Variants in MTERF3 observed in about 807,000 individuals in gnomAD.
MTERF3 encodes mitochondrial transcription termination factor 3, also known as transcription termination factor 3, mitochondrial.
A neutral mutation model predicts 40.5 loss-of-function variants in MTERF3; 40 were observed. The ratio of observed to expected loss-of-function variants is 0.99; its 90% CI spans 0.77 to 1.29. The LOEUF is 1.29. MTERF3 is among the 50% of genes most tolerant of loss of function. The probability of loss-of-function intolerance (pLI) is 0.00; values close to 1 mark genes in which losing one functional copy is unlikely to be tolerated. For missense variants in MTERF3, 452 were observed against 478.2 expected, an observed-to-expected ratio of 0.95 and a Z score of 0.51; for synonymous variants, 158 against 166.6, an observed-to-expected ratio of 0.95 and a Z score of 0.40.
At chr8:96,259,455 A>G (rs923439300) in intron 1 of MTERF3, among the ~76,000 whole-genome samples, 4 of 152,242 alleles carry the variant, frequency 2.6e-5, no homozygotes, top group African/African-American at 9.6e-5. Context: ...ACCAGCAATT[A>G]ATACCTGTAT....
At chr8:96,257,380 GA>G (rs1810300675) in intron 2 of MTERF3, 2 of 281,564 alleles carry the variant, frequency 7.1e-6, no homozygotes. Context: ...CAGTAGGTGA[GA>G]ATGCTAAAAA....
chr8:96,254,322 CATTATT>C (rs1481608225), intron 3 of MTERF3, among the ~76,000 whole-genome samples: 3 of 152,040 alleles, frequency 2.0e-5, no homozygotes, highest in Non-Finnish European at 4.4e-5. Flanking sequence ...TTCAAGTATA[CATTATT>C]ATTAACTACC....
At chr8:96,240,588 C>A (rs1278551870) in intron 7 of MTERF3, among the ~76,000 whole-genome samples, 1 of 152,108 alleles carries the variant, frequency 6.6e-6, no homozygotes, top group African/African-American at 2.4e-5. Flanking sequence ...GCGGCAGCAA[C>A]TTTAGAAAGG....
chr8:96,253,584 C>G lies in MTERF3; in HGVS notation c.488-2489G>C, dbSNP rs936334120. On this transcript the variant is annotated intron_variant, in intron 3 of 7. Coordinates refer to ENST00000287025, the MANE Select transcript of MTERF3 (RefSeq NM_015942.5). ...TACTCAAAAATACTGTCTGACAGAGCAAATAAGGCTCCCCTAAGTTACTAT... is the reference window on the plus strand; with the variant it reads ...TACTCAAAAATACTGTCTGACAGAGGAAATAAGGCTCCCCTAAGTTACTAT... 2.0e-5 allele frequency among the ~76,000 whole-genome samples: 3 copies of G among 152,094 alleles called. No homozygotes were observed. In the East Asian group the frequency reaches 5.8e-4, roughly 29 times the overall value.
At chr8:96,246,178 A>G in intron 5 of MTERF3, 129 bp downstream of exon 5, 5 of 953,112 alleles carry the variant, frequency 5.2e-6, no homozygotes, top group Non-Finnish European at 7.5e-6. Flanking sequence ...AGGATAATTC[A>G]TTTTTGTACA....
intron 4 of MTERF3, among the ~76,000 whole-genome samples, chr8:96,249,410 G>A (rs990008163): frequency 6.6e-6 from 1 of 152,180 alleles, no homozygotes; most frequent in African/African-American, 2.4e-5. Context: ...CAGCCAAGAA[G>A]ACTAGAGCTG....
At chr8:96,246,581 C>T in intron 4 of MTERF3, 127 bp from the exon 5 acceptor site, 2 of 766,578 alleles carry the variant, frequency 2.6e-6, no homozygotes, top group Non-Finnish European at 3.8e-6. Flanking sequence ...AAATTACTAA[C>T]TAAATAAAAG....
At chr8:96,257,215 C>T (rs1035910528) in intron 2 of MTERF3, 101 bp from the exon 3 acceptor site, 2 of 1,249,728 alleles carry the variant, frequency 1.6e-6, no homozygotes, top group Admixed American at 5.2e-5. Context: ...GTGGTTAAAT[C>T]TTGGGATCAT....
intron 4 of MTERF3, 128 bp from the exon 5 acceptor site, chr8:96,246,582 T>A: frequency 2.7e-6 from 2 of 733,644 alleles, no homozygotes; most frequent in Non-Finnish European, 4.0e-6. Flanking sequence ...AATTACTAAC[T>A]AAATAAAAGC....
At chr8:96,254,600 A>C (rs1017478051) in intron 3 of MTERF3, among the ~76,000 whole-genome samples, 1 of 152,248 alleles carries the variant, frequency 6.6e-6, no homozygotes, top group African/African-American at 2.4e-5. Context: ...AAGGCTGACT[A>C]GTACTCCAGT....
At chr8:96,255,639 G>GAA (rs754843989) in intron 3 of MTERF3, among the ~76,000 whole-genome samples, 7 of 57,080 alleles carry the variant, frequency 1.2e-4, no homozygotes, top group Admixed American at 1.9e-4. Context: ...CCAGTCTGAA[G>GAA]AAAAAAAAAA....
At chr8:96,252,593 CTT>C (rs1168700411) in intron 3 of MTERF3, among the ~76,000 whole-genome samples, 1 of 152,164 alleles carries the variant, frequency 6.6e-6, no homozygotes, top group Non-Finnish European at 1.5e-5. Flanking sequence ...AATATCTGCA[CTT>C]TTGACAACCG....
At chr8:96,244,767 A>G (rs1246312529) in intron 6 of MTERF3, among the ~76,000 whole-genome samples, 1 of 152,184 alleles carries the variant, frequency 6.6e-6, no homozygotes, top group African/African-American at 2.4e-5. Flanking sequence ...TCAAGGAATT[A>G]CAGCTTCCGG....
Position 96,239,622 on chromosome 8 carries a change from C to T in MTERF3, c.1123G>A (p.Ala375Thr), listed in dbSNP as rs754172612. 1.2e-6 allele frequency: 2 copies of T among 1,611,632 alleles called. No individual in the cohort carries two copies. The highest frequency in any genetic ancestry group is 1.3e-5 in the African/African-American group (1 of 74,708). Residue 375 changes from alanine (A) to threonine (T), a missense_variant, in exon 8 of 8, where the codon GCA becomes ACA. Physicochemically the swap from Ala to Thr is moderately conservative, Grantham distance 58 (BLOSUM62 0). Coordinates refer to ENST00000287025, the MANE Select transcript of MTERF3 (RefSeq NM_015942.5). ...TTAGGTTTTGCTGGATCATACTGTGCTCTTCCTAAATAGGTAAGAAACAAG... is the reference window on the plus strand; with the variant it reads ...TTAGGTTTTGCTGGATCATACTGTGTTCTTCCTAAATAGGTAAGAAACAAG... The part of the protein sequence containing the change: ...RHLFLTYLGR[A>T]QYDPAKPNYI...
chr8:96,250,466 CT>C (rs1810111761), intron 4 of MTERF3, among the ~76,000 whole-genome samples: 1 of 145,008 alleles, frequency 6.9e-6, no homozygotes, highest in African/African-American at 2.5e-5. Context: ...AATCCCAGCA[CT>C]TTGGAGGCCA....
intron 1 of MTERF3, among the ~76,000 whole-genome samples, chr8:96,261,061 T>C (rs1025264052): frequency 2.0e-5 from 3 of 152,122 alleles, no homozygotes; most frequent in Non-Finnish European, 2.9e-5. Flanking sequence ...GAAACTGAAG[T>C]CTCTTAACAA....
chr8:96,250,947 A>C lies in MTERF3; in HGVS notation c.636T>G (p.Asn212Lys), dbSNP rs775473155. The change falls in exon 4 of 8, where the codon AAT becomes AAG. Residue 212 changes from asparagine to lysine, a missense_variant. Coordinates refer to ENST00000287025, the MANE Select transcript of MTERF3 (RefSeq NM_015942.5). ...DNQLGAFLTK[N>K]HAIFSEDLEN... ...CAAGGTCTTCAGAGAAAATTGCATG[A>C]TTTTTTGTCAGGAATGCTCCCAGTT... 2.5e-6 allele frequency: 4 copies of C among 1,609,122 alleles called. No individual in the cohort carries two copies. In the East Asian group the frequency reaches 8.9e-5, roughly 36 times the overall value.
rs538287402 is a variant in MTERF3 at position 96,258,630 on chromosome 8, T to C, written c.61A>G (p.Ile21Val). ...WFNSVKLRSL[I>V]NAAQLTKRFT... ...CGTTTTGTGAGTTGTGCAGCATTAA[T>C]GAGGCTCCTCAACTTAACTGAGTTA... Residue 21 changes from isoleucine to valine, a missense_variant, in exon 2 of 8, where the codon ATT becomes GTT. Ile to Val is a conservative substitution (Grantham distance 29). Coordinates refer to ENST00000287025, the MANE Select transcript of MTERF3 (RefSeq NM_015942.5). 1.2e-6 allele frequency: 2 copies of C among 1,614,136 alleles called. No individual in the cohort carries two copies. Among genetic ancestry groups the C allele is most frequent in the Admixed American group, 1.7e-5 (1 of 60,030 alleles).
chr8:96,251,629 A>C (rs1810187277), intron 3 of MTERF3, among the ~76,000 whole-genome samples: 1 of 152,186 alleles, frequency 6.6e-6, no homozygotes, highest in Admixed American at 6.5e-5. Flanking sequence ...CGTCCCTTGA[A>C]GAAACTCAAG....
Sources: gnomAD v4.1 joint callset for allele counts (sites outside exome capture counted in the v4.1 genomes callset) on GRCh38, gnomAD v4.1.1 for gene constraint, MANE v1.5 for transcripts, NCBI Gene and HGNC (gene_info 2026-07-23, HGNC 2026-07-21) for gene names.